DOCK7: variants seen among roughly 807,000 people sequenced by gnomAD.
The protein encoded by DOCK7 is dedicator of cytokinesis 7, also known as dedicator of cytokinesis protein 7.
Under a neutral mutation model 271.0 loss-of-function variants are expected in DOCK7, and 138 were observed. The ratio of observed to expected loss-of-function variants is 0.51; its 90% CI spans 0.44 to 0.59. The LOEUF (loss-of-function observed/expected upper bound fraction) is 0.59, where lower values mean the gene tolerates loss of function less well. DOCK7 is among the 20% of genes least tolerant of loss of function. The pLI is 0.00. For missense variants in DOCK7, 2,066 were observed against 2,592.4 expected, an observed-to-expected ratio of 0.80 and a Z score of 4.41; for synonymous variants, 823 against 876.1, an observed-to-expected ratio of 0.94 and a Z score of 1.07.
At chr1:62,579,106 A>C (rs1325161932) in intron 16 of DOCK7, 140 bp from the exon 17 acceptor site, 2 of 806,414 alleles carry the variant, frequency 2.5e-6, no homozygotes, top group South Asian at 6.1e-5. Flanking sequence ...CTTTATCCCC[A>C]ATCTCTAAAT....
In DOCK7 at chr1:62,648,088, A is replaced by T; in HGVS notation, c.732+18T>A. On this transcript the variant is annotated intron_variant, in intron 6 of 49. Coordinates refer to ENST00000635253, the MANE Select transcript of DOCK7 (RefSeq NM_001367561.1). ...AATTTTAATAATCATTTGCTTCTTTATATGCAAACATCTATACCTCATCTG... is the reference window on the plus strand; with the variant it reads ...AATTTTAATAATCATTTGCTTCTTTTTATGCAAACATCTATACCTCATCTG... 1.2e-6 allele frequency: 2 copies of T among 1,601,684 alleles called. No individual in the cohort carries two copies. Among genetic ancestry groups the T allele is most frequent in the Non-Finnish European group, 1.7e-6 (2 of 1,169,922 alleles).
At chr1:62,647,162 T>A (rs191638530) in intron 7 of DOCK7, among the ~76,000 whole-genome samples, 4 of 152,186 alleles carry the variant, frequency 2.6e-5, no homozygotes, top group African/African-American at 9.7e-5. Context: ...ATTAAACTTA[T>A]AATATTAACA....
chr1:62,581,030 G>A (rs1472656586), intron 16 of DOCK7, among the ~76,000 whole-genome samples: 3 of 152,130 alleles, frequency 2.0e-5, no homozygotes, highest in Non-Finnish European at 4.4e-5. Context: ...CTGCAAGAGA[G>A]ACCATATAAC....
chr1:62,513,034 G>A (rs538730962), intron 33 of DOCK7, among the ~76,000 whole-genome samples: 29 of 152,060 alleles, frequency 1.9e-4, no homozygotes, highest in African/African-American at 7.0e-4. Context: ...CTCTGATGGG[G>A]GATGTTAATA....
At position 62,539,558 on chromosome 1, in the gene DOCK7, G is replaced by C; in HGVS notation, c.3287C>G (p.Ser1096Cys). ...ACTATGCATTACCTGTTTATAGCAGGACTTTATAAGGCTAAAAACAAATCC... is the reference window on the plus strand; with the variant it reads ...ACTATGCATTACCTGTTTATAGCAGCACTTTATAAGGCTAAAAACAAATCC... ...DRGFVFSLIK[S>C]CYKQVSSKLY... is the part of the protein sequence containing the mutation. The change falls in exon 27 of 50, where the codon TCC (serine) becomes TGC (cysteine). Residue 1096 changes from serine (S) to cysteine (C), a missense_variant. Physicochemically the swap from Ser to Cys is moderately radical, Grantham distance 112 (BLOSUM62 -1). This residue lies in a region of DOCK7 where 1,414 missense variants were observed against 1,670.4 expected (regional missense o/e 0.85). Transcript: ENST00000635253. 1 of 1,609,640 alleles carries C rather than the reference G, an allele frequency of 6.2e-7. No individual in the cohort carries two copies. The highest frequency in any genetic ancestry group is 1.1e-5 in the South Asian group (1 of 89,862).
Position 62,525,275 on chromosome 1 carries a change from C to T in DOCK7, c.3936+2876G>A, listed in dbSNP as rs61775909. Among the ~76,000 whole-genome samples, 707 of 152,114 alleles carry T rather than the reference C, an allele frequency of 4.6e-3. 4 individuals carry two copies. The highest frequency in any genetic ancestry group is 7.8e-3 in the Non-Finnish European group (533 of 68,012). ...CTGCCCACCTTGGCCTCCCAAAGTG[C>T]TGGGATTACAGGCGTGAGCCACCAT... On this transcript the variant is annotated intron_variant, in intron 31 of 49. Transcript: ENST00000635253.
intron 11 of DOCK7, among the ~76,000 whole-genome samples, 162 bp downstream of exon 11, chr1:62,631,075 CTCA>C (rs1471148386): frequency 1.3e-5 from 2 of 152,006 alleles, no homozygotes; most frequent in Non-Finnish European, 2.9e-5. Context: ...ATCTCAGCTA[CTCA>C]GGAGGCTGAG....
chr1:62,455,102 T>C lies in DOCK7; in HGVS notation c.*312A>G. ...CAAAATGAATCTATAAATGGTAATA[T>C]AAATTAAAAAATACGAACTTAAAGT... On this transcript the variant is annotated 3_prime_UTR_variant, in exon 50 of 50. Transcript: ENST00000635253. 3.9e-6 allele frequency: 2 copies of C among 514,746 alleles called. No individual in the cohort carries two copies. Among genetic ancestry groups the C allele is most frequent in the South Asian group, 3.2e-5 (1 of 31,184 alleles). 31.9% of individuals were successfully genotyped at this position (514,746 alleles called of 1,614,324 possible).
Position 62,633,492 on chromosome 1 carries a change from T to C in DOCK7, c.1116+6A>G. On this transcript the variant is annotated splice_donor_region_variant and intron_variant, in intron 10 of 49. Transcript: ENST00000635253. ...TGTGGCGGAAATGAGAAGCATAACA[T>C]TCTACCTTGGTGGCATCTGCTTCTT... The C allele has an allele frequency of 1.9e-6, 3 of 1,598,990 alleles. No individual in the cohort carries two copies. The highest frequency in any genetic ancestry group is 2.6e-6 in the Non-Finnish European group (3 of 1,167,314).
In DOCK7 at chr1:62,587,187, T is replaced by A. The variant is rs566403583; in HGVS notation, c.1683-563A>T. ...ACTACAAAACAATAACATCCTAATT[T>A]GCATTTATTTGAATTCTTGTCCAGC... On this transcript the variant is annotated intron_variant, in intron 14 of 49. Coordinates refer to ENST00000635253, the MANE Select transcript of DOCK7 (RefSeq NM_001367561.1). Among the ~76,000 whole-genome samples, 4 of 151,872 alleles carry A rather than the reference T, an allele frequency of 2.6e-5. No individual in the cohort carries two copies. The South Asian group carries it at 6.2e-4, about 24-fold the overall frequency.
At chr1:62,598,807 G>A (rs1356179821) in intron 14 of DOCK7, 2 of 1,554,904 alleles carry the variant, frequency 1.3e-6, no homozygotes, top group South Asian at 1.1e-5. Context: ...AGAAAATCAG[G>A]TAAGTCAGTA....
At position 62,633,527 on chromosome 1, in the gene DOCK7, T is replaced by C; in HGVS notation, c.1087A>G (p.Met363Val). The C allele has an allele frequency of 9.9e-6, 16 of 1,613,364 alleles. No homozygotes were observed. Among genetic ancestry groups the C allele is most frequent in the Non-Finnish European group, 1.4e-5 (16 of 1,179,630 alleles). The change falls in exon 10 of 50, where the codon ATG (methionine) becomes GTG (valine). Residue 363 changes from methionine (M) to valine (V), a missense_variant. By Grantham distance (21) the Met-to-Val change is conservative. Coordinates refer to ENST00000635253, the MANE Select transcript of DOCK7 (RefSeq NM_001367561.1). ...GTGGCATCTGCTTCTTTGAAAATCA[T>C]ATATGGTTCTGCACACTCTCCAATG... is the stretch of plus-strand genomic sequence containing the variant. Reference protein sequence around the residue: ...GDIGECAEPYMIFKEADATKN... With the variant: ...GDIGECAEPYVIFKEADATKN...
chr1:62,535,455 A>C, intron 29 of DOCK7, 38 bp downstream of exon 29: 1 of 1,590,074 alleles, frequency 6.3e-7, no homozygotes, highest in Non-Finnish European at 8.6e-7. Flanking sequence ...GTTCAAAATC[A>C]AACTCATATT....
chr1:62,553,800 C>A (rs1036907277), intron 21 of DOCK7, among the ~76,000 whole-genome samples: 2 of 151,822 alleles, frequency 1.3e-5, no homozygotes, highest in African/African-American at 2.4e-5. Flanking sequence ...ATTACACATA[C>A]AATAAAAACC....
intron 4 of DOCK7, among the ~76,000 whole-genome samples, chr1:62,652,039 G>A (rs968814263): frequency 1.3e-5 from 2 of 152,088 alleles, no homozygotes; most frequent in African/African-American, 4.8e-5. Context: ...CACCCTGGGC[G>A]CTATTCTATT....
chr1:62,510,009 T>C (rs1644436063), intron 34 of DOCK7, among the ~76,000 whole-genome samples: 1 of 152,174 alleles, frequency 6.6e-6, no homozygotes, highest in African/African-American at 2.4e-5. Context: ...GGCTAACTTA[T>C]AATTAGAAAT....
rs774051325 is a variant in DOCK7 at position 62,555,800 on chromosome 1, C to A, written c.2596+25G>T. ...TGAACATATAATTTATGAAAGACAG[C>A]TTCATAGTAAAAAGAATAAAATACC... On this transcript the variant is annotated intron_variant, in intron 21 of 49. Transcript: ENST00000635253. The A allele has an allele frequency of 3.1e-6, 5 of 1,595,390 alleles. No homozygotes were observed. The South Asian group carries it at 5.6e-5, about 18-fold the overall frequency.
chr1:62,561,491 T>C (rs1469838608), intron 19 of DOCK7, 126 bp downstream of exon 19: 4 of 449,618 alleles, frequency 8.9e-6, no homozygotes, highest in Non-Finnish European at 1.5e-5. Flanking sequence ...TTAACTGACA[T>C]ATATTCTCAT....
chr1:62,466,404 C>T (rs771672412), intron 48 of DOCK7, among the ~76,000 whole-genome samples: 3 of 152,152 alleles, frequency 2.0e-5, no homozygotes, highest in African/African-American at 7.2e-5. Flanking sequence ...AAGCTGCTAA[C>T]GCCTGAACCT....
Sources: gnomAD v4.1 joint callset for allele counts (sites outside exome capture counted in the v4.1 genomes callset) on GRCh38, gnomAD v4.1.1 for gene constraint, gnomAD v4.1.1 regional missense constraint, MANE v1.5 for transcripts, NCBI Gene and HGNC (gene_info 2026-07-23, HGNC 2026-07-21) for gene names.